Variants in TRAK1 observed in about 807,000 individuals in gnomAD.
TRAK1 encodes the protein trafficking kinesin protein 1, also known as trafficking kinesin-binding protein 1.
In TRAK1, 33 loss-of-function variants were observed where a neutral mutation model predicts 92.1. The observed-to-expected ratio is 0.36, with a 90% CI of 0.27 to 0.48. TRAK1 has a LOEUF of 0.48. Among genes scored for constraint, TRAK1 ranks in the 20% least tolerant of loss-of-function variants. The pLI is 0.99. For missense variants in TRAK1, 1,123 were observed against 1,257.9 expected (o/e 0.89, Z 1.62); for synonymous variants, 521 against 517.3 (o/e 1.01, Z -0.10).
chr3:42,178,020 G>A (rs1703446095), intron 3 of TRAK1, among the ~76,000 whole-genome samples: 1 of 152,124 alleles, frequency 6.6e-6, no homozygotes, highest in Admixed American at 6.5e-5. Context: ...TGCCTTGGTT[G>A]GCACCACCGA....
chr3:42,083,547 A>G (rs188968402), upstream of TRAK1, among the ~76,000 whole-genome samples: 254 of 152,284 alleles, frequency 1.7e-3, 3 homozygotes, highest in Non-Finnish European at 7.1e-4. Flanking sequence ...TTAATTGGGT[A>G]TAGAAGTCTT....
chr3:42,067,841 A>G (rs1703746975), intron 1 of TRAK1, among the ~76,000 whole-genome samples: 2 of 151,914 alleles, frequency 1.3e-5, no homozygotes, highest in South Asian at 2.1e-4. Flanking sequence ...ACCTTTTTCC[A>G]TGTGAATTTT....
At chr3:42,220,814 C>T (rs1033985107) in intron 15 of TRAK1, among the ~76,000 whole-genome samples, 22 of 152,202 alleles carry the variant, frequency 1.4e-4, no homozygotes, top group African/African-American at 3.9e-4. Context: ...TCTCACCAGA[C>T]GGGGATCATA....
Position 42,039,395 on chromosome 3 carries a change from G to GTTC in TRAK1, c.-519+25280_-519+25282dup, listed in dbSNP as rs552795363. On this transcript the variant is annotated intron_variant, in intron 1 of 16. Transcript: ENST00000487159. ...TATTTATTTCTTGAAATGGAGTCTCGTTCTGTCACCCAGGCTGGAGTGCAA... is the reference window on the plus strand; with the variant it reads ...TATTTATTTCTTGAAATGGAGTCTCGTTCTTCTGTCACCCAGGCTGGAGTGCAA... Among the ~76,000 whole-genome samples the GTTC allele has an allele frequency of 2.8e-3, 429 of 152,112 alleles. 4 individuals carry two copies. The highest frequency in any genetic ancestry group is 0.022 in the Admixed American group (334 of 15,262).
chr3:42,201,929 C>CACAT (rs1707686655), intron 12 of TRAK1, among the ~76,000 whole-genome samples: 1 of 148,244 alleles, frequency 6.7e-6, no homozygotes, highest in African/African-American at 2.5e-5. Context: ...CACACACACA[C>CACAT]ACCATTGTCT....
rs749393130 is a variant in TRAK1, at chr3:42,145,725, A to C, written c.286+20111A>C. ...TTCATGTTGTTCTTCAAAACCATCA[A>C]TCATCTCAAGACAATGAATATTGCA... On this transcript the variant is annotated intron_variant, in intron 2 of 15. Transcript: ENST00000327628. 3 of 158,550 alleles carry C rather than the reference A, an allele frequency of 1.9e-5. No homozygotes were observed. In the Admixed American group the frequency reaches 2.0e-4, roughly 10 times the overall value. 9.8% of individuals were successfully genotyped at this position (158,550 alleles called of 1,614,324 possible).
intron 6 of TRAK1, 96 bp from the exon 7 acceptor site, chr3:42,191,462 C>A: frequency 1.8e-6 from 2 of 1,106,868 alleles, no homozygotes; most frequent in Non-Finnish European, 2.6e-6. Flanking sequence ...GGCAGCTTCC[C>A]AGACCCCAGT....
chr3:42,035,624 C>T (rs1227333579), intron 1 of TRAK1, among the ~76,000 whole-genome samples: 1 of 152,238 alleles, frequency 6.6e-6, no homozygotes, highest in Non-Finnish European at 1.5e-5. Context: ...CCTCCCAGAT[C>T]TCCCTAATTG....
intron 1 of TRAK1, among the ~76,000 whole-genome samples, chr3:42,038,478 G>A (rs185417943): frequency 2.0e-5 from 3 of 152,216 alleles, no homozygotes; most frequent in East Asian, 1.9e-4. Flanking sequence ...ACACCTGGCC[G>A]GTTATTTTTA....
chr3:42,154,650 T>G (rs1700340711), intron 2 of TRAK1, among the ~76,000 whole-genome samples: 1 of 152,110 alleles, frequency 6.6e-6, no homozygotes, highest in Non-Finnish European at 1.5e-5. Flanking sequence ...AAGCTGGTCT[T>G]GAACTCCTAG....
At chr3:42,139,346 A>G (rs1312193343) in intron 2 of TRAK1, among the ~76,000 whole-genome samples, 1 of 152,148 alleles carries the variant, frequency 6.6e-6, no homozygotes, top group Non-Finnish European at 1.5e-5. Context: ...AGACGTCTGC[A>G]GGATCAAAGG....
chr3:42,149,150 G>T, intron 2 of TRAK1: 1 of 1,002,340 alleles, frequency 1.0e-6, no homozygotes, highest in African/African-American at 1.7e-5. Context: ...AGCAGGAGAC[G>T]AGGCTTGAGT....
chr3:42,121,189 C>T (rs544121555), intron 1 of TRAK1, among the ~76,000 whole-genome samples: 1 of 152,212 alleles, frequency 6.6e-6, no homozygotes, highest in East Asian at 1.9e-4. Flanking sequence ...CTCTGTGTGC[C>T]ACATTGCTGG....
At chr3:42,030,338 T>C (rs1486315473) in intron 1 of TRAK1, among the ~76,000 whole-genome samples, 4 of 141,936 alleles carry the variant, frequency 2.8e-5, no homozygotes, top group Admixed American at 2.3e-4. Flanking sequence ...CTCCAGCCTG[T>C]GAGACAAAGC....
rs958094088 is a variant in TRAK1 at position 42,223,929 on chromosome 3, G to A, written c.*192G>A. The A allele has an allele frequency of 7.2e-6, 5 of 692,866 alleles. No homozygotes were observed. In the Admixed American group the frequency reaches 8.0e-5, roughly 11 times the overall value. 42.9% of individuals were successfully genotyped at this position (692,866 alleles called of 1,614,324 possible). On this transcript the variant is annotated 3_prime_UTR_variant, in exon 16 of 16. Coordinates refer to ENST00000327628, the MANE Select transcript of TRAK1 (RefSeq NM_001042646.3). This position sits in a 1 kb window ranked among gnomAD's most constrained non-coding sequence, Gnocchi z 6.1. ...TTTGTAAAATGTGTACATAGGACTTGGAGACCTTGTGTCCGCCCTGCTCTT... is the reference window on the plus strand; with the variant it reads ...TTTGTAAAATGTGTACATAGGACTTAGAGACCTTGTGTCCGCCCTGCTCTT...
At chr3:42,068,980 C>CT (rs1373417249) in intron 1 of TRAK1, among the ~76,000 whole-genome samples, 1 of 152,078 alleles carries the variant, frequency 6.6e-6, no homozygotes, top group Non-Finnish European at 1.5e-5. Context: ...AGTGGAAGTA[C>CT]TTTAGGAAAT....
rs571966386 is a variant in TRAK1 at position 42,213,211 on chromosome 3, C to G, written c.1963+3226C>G. Among the ~76,000 whole-genome samples the G allele has an allele frequency of 3.0e-3, 459 of 152,210 alleles. 2 individuals carry two copies. Among genetic ancestry groups the G allele is most frequent in the Non-Finnish European group, 4.1e-3 (278 of 68,016 alleles). On this transcript the variant is annotated intron_variant, in intron 14 of 15. Coordinates refer to ENST00000327628, the MANE Select transcript of TRAK1 (RefSeq NM_001042646.3). The stretch of plus-strand genomic sequence containing the variant: ...TAGCTGGGACTATAGGCACACGTCA[C>G]CATTCCAGCTAATTTTTTGTATTTT...
In TRAK1 at chr3:42,200,824, G is replaced by A. The variant is rs1707422860; in HGVS notation, c.1197G>A (p.Gln399=). ...TGCCGTGCATTCTCCCTAGTCACCA[G>A]AAGCGTGTCTTTGAGACAGTAAGAA... ...EEAESPDITH[Q]KRVFETVRNI... is the part of the protein sequence containing the mutation. The change falls in exon 12 of 16, where the codon CAG becomes CAA. Residue 399 remains glutamine (Q), a synonymous_variant. Coordinates refer to ENST00000327628, the MANE Select transcript of TRAK1 (RefSeq NM_001042646.3). 6.2e-7 allele frequency: 1 copy of A among 1,614,026 alleles called. No individual in the cohort carries two copies. Among genetic ancestry groups the A allele is most frequent in the African/African-American group, 1.3e-5 (1 of 74,896 alleles).
chr3:42,122,548 G>A (rs1210786848), intron 1 of TRAK1, among the ~76,000 whole-genome samples: 4 of 152,124 alleles, frequency 2.6e-5, no homozygotes, highest in Admixed American at 6.5e-5. Flanking sequence ...AGATGCTACC[G>A]ACTAGGTGTC....
Sources: allele counts gnomAD v4.1 joint callset (sites outside exome capture counted in the v4.1 genomes callset), GRCh38; gene constraint gnomAD v4.1.1; non-coding constraint Gnocchi (gnomAD v3.1); transcripts MANE v1.5; gene names NCBI Gene and HGNC (gene_info 2026-07-23, HGNC 2026-07-21).